SLC9A9: variants seen among roughly 807,000 people sequenced by gnomAD.
SLC9A9 encodes the protein solute carrier family 9 member A9.
In SLC9A9, 62 loss-of-function variants were observed where a neutral mutation model predicts 77.8. That is an observed-to-expected ratio of 0.80 (90% CI 0.65 to 0.98). SLC9A9 has a LOEUF of 0.98. Among genes scored for constraint, SLC9A9 ranks in the 50% least tolerant of loss-of-function variants. SLC9A9 has a pLI of 0.00. For missense variants in SLC9A9, 775 were observed against 774.9 expected, an observed-to-expected ratio of 1.00 and a Z score of 0.00; for synonymous variants, 320 against 283.5, an observed-to-expected ratio of 1.13 and a Z score of -1.29.
chr3:143,271,545 G>A lies in SLC9A9; in HGVS notation c.1605-2565C>T, dbSNP rs544362523. Among the ~76,000 whole-genome samples, 13 of 152,346 alleles carry A rather than the reference G, an allele frequency of 8.5e-5. No individual in the cohort carries two copies. The South Asian group carries it at 2.7e-3, about 32-fold the overall frequency. Reference sequence around the variant, plus strand: ...GTGTCTCATTGTTCGATAATGATGGGAAAACGATACTGAAGGTAGAGATAA... The same window carrying A: ...GTGTCTCATTGTTCGATAATGATGGAAAAACGATACTGAAGGTAGAGATAA... On this transcript the variant is annotated intron_variant, in intron 14 of 15. Transcript: ENST00000316549.
chr3:143,337,887 C>T (rs1040378659), intron 14 of SLC9A9, among the ~76,000 whole-genome samples: 5 of 152,154 alleles, frequency 3.3e-5, no homozygotes, highest in African/African-American at 1.2e-4. Flanking sequence ...TCTTTCTTGT[C>T]AGAGCTGGAG....
At chr3:143,370,790 C>T (rs1027700896) in intron 13 of SLC9A9, among the ~76,000 whole-genome samples, 1 of 152,020 alleles carries the variant, frequency 6.6e-6, no homozygotes, top group Admixed American at 6.6e-5. Flanking sequence ...TTCATCATCG[C>T]TTTCACAATG....
At chr3:143,686,156 C>G (rs1200300024) in intron 5 of SLC9A9, among the ~76,000 whole-genome samples, 1 of 152,140 alleles carries the variant, frequency 6.6e-6, no homozygotes, top group Admixed American at 6.6e-5. Flanking sequence ...AAGAGATACC[C>G]TTCCACACTC....
chr3:143,802,699 C>T lies in SLC9A9; in HGVS notation c.379-5796G>A, dbSNP rs566023797. 2.0e-5 allele frequency among the ~76,000 whole-genome samples: 3 copies of T among 152,262 alleles called. No individual in the cohort carries two copies. The South Asian group carries it at 6.2e-4, about 32-fold the overall frequency. On this transcript the variant is annotated intron_variant, in intron 2 of 15. Transcript: ENST00000316549. The stretch of plus-strand genomic sequence containing the variant: ...GGTATTCAGTGGAACCTTCAAATCC[C>T]TTACCATCCTCAATCTTCAAGAAAG...
intron 1 of SLC9A9, chr3:143,847,509 A>C (rs999674983): frequency 6.6e-6 from 1 of 152,422 alleles, no homozygotes. Flanking sequence ...GAGATACATA[A>C]CAAATAACAC....
chr3:143,617,631 A>G (rs937775074), intron 6 of SLC9A9, among the ~76,000 whole-genome samples: 1 of 152,196 alleles, frequency 6.6e-6, no homozygotes, highest in African/African-American at 2.4e-5. Flanking sequence ...TCCCTTTTGG[A>G]CCTACTTTTC....
At chr3:143,386,759 C>T (rs1423717117) in intron 12 of SLC9A9, among the ~76,000 whole-genome samples, 2 of 152,162 alleles carry the variant, frequency 1.3e-5, no homozygotes, top group African/African-American at 4.8e-5. Flanking sequence ...AGCCAGTGTA[C>T]AGCAAGGATT....
rs368288166 is a variant in SLC9A9, at chr3:143,845,771, T to A, written c.175+2377A>T. The stretch of plus-strand genomic sequence containing the variant: ...TATGTCTTTTCATTGATCTATATAG[T>A]TCAAGATAACTGAAAGATACTCAAA... On this transcript the variant is annotated intron_variant, in intron 1 of 15. Coordinates refer to ENST00000316549, the MANE Select transcript of SLC9A9 (RefSeq NM_173653.4). 5.3e-5 allele frequency among the ~76,000 whole-genome samples: 8 copies of A among 152,340 alleles called. No individual in the cohort carries two copies. In the East Asian group the frequency reaches 1.5e-3, roughly 29 times the overall value.
chr3:143,621,180 C>A (rs552559897), intron 6 of SLC9A9, among the ~76,000 whole-genome samples: 1 of 152,228 alleles, frequency 6.6e-6, no homozygotes, highest in Non-Finnish European at 1.5e-5. Flanking sequence ...GTAGACTCCA[C>A]CTCTGGGGGC....
intron 6 of SLC9A9, among the ~76,000 whole-genome samples, chr3:143,579,442 C>T (rs2037417428): frequency 6.6e-6 from 1 of 152,102 alleles, no homozygotes; most frequent in Non-Finnish European, 1.5e-5. Flanking sequence ...TTGAGGATGT[C>T]ATATAAGCTA....
At chr3:143,270,169 C>G (rs949043242) in intron 14 of SLC9A9, among the ~76,000 whole-genome samples, 1 of 152,170 alleles carries the variant, frequency 6.6e-6, no homozygotes, top group Non-Finnish European at 1.5e-5. Context: ...AGATGGGCAG[C>G]TGTTGTGCCC....
intron 6 of SLC9A9, among the ~76,000 whole-genome samples, chr3:143,611,910 A>C (rs2038028598): frequency 6.6e-6 from 1 of 152,132 alleles, no homozygotes; most frequent in Non-Finnish European, 1.5e-5. Context: ...ATTAAGAAAA[A>C]AAATATTTAG....
chr3:143,664,258 T>A (rs538653925), intron 5 of SLC9A9, among the ~76,000 whole-genome samples: 3 of 152,064 alleles, frequency 2.0e-5, no homozygotes, highest in Non-Finnish European at 4.4e-5. Context: ...AGAAATAAAA[T>A]CCTTTCCAGA....
At chr3:143,672,383 T>G (rs1240224518) in intron 5 of SLC9A9, among the ~76,000 whole-genome samples, 1 of 152,018 alleles carries the variant, frequency 6.6e-6, no homozygotes, top group Non-Finnish European at 1.5e-5. Flanking sequence ...AAGAAATCAA[T>G]GAAGAACACA....
intron 1 of SLC9A9, among the ~76,000 whole-genome samples, chr3:143,837,917 T>C (rs2108894432): frequency 6.6e-6 from 1 of 152,338 alleles, no homozygotes; most frequent in Non-Finnish European, 1.5e-5. Flanking sequence ...AGCCTGATGT[T>C]GAAGTCAGCA....
chr3:143,661,903 T>C (rs1204106870), intron 5 of SLC9A9, among the ~76,000 whole-genome samples: 3 of 152,206 alleles, frequency 2.0e-5, no homozygotes, highest in African/African-American at 7.2e-5. Context: ...CTTGAAAAAC[T>C]ACTTATCGAG....
Position 143,320,622 on chromosome 3 carries a change from C to G in SLC9A9, c.1604+42862G>C, listed in dbSNP as rs555427243. On this transcript the variant is annotated intron_variant, in intron 14 of 15. Coordinates refer to ENST00000316549, the MANE Select transcript of SLC9A9 (RefSeq NM_173653.4). ...CATGTGAACTACCAGAGGCAGAACT[C>G]GAACTTGCTTATCACCAAAGGGATG... is the stretch of plus-strand genomic sequence containing the variant. Among the ~76,000 whole-genome samples, 110 of 152,222 alleles carry G rather than the reference C, an allele frequency of 7.2e-4. 1 individual carries two copies. The highest frequency in any genetic ancestry group is 2.5e-3 in the African/African-American group (104 of 41,524).
intron 5 of SLC9A9, among the ~76,000 whole-genome samples, chr3:143,658,512 C>A (rs2038931307): frequency 6.6e-6 from 1 of 152,124 alleles, no homozygotes; most frequent in African/African-American, 2.4e-5. Flanking sequence ...GAAAATTATT[C>A]TTTTTACATT....
At chr3:143,357,978 A>T (rs2032639563) in intron 14 of SLC9A9, among the ~76,000 whole-genome samples, 1 of 150,908 alleles carries the variant, frequency 6.6e-6, no homozygotes. Flanking sequence ...ACTGTGTGGG[A>T]TATAAAAAAA....
Sources: allele counts gnomAD v4.1 joint callset (sites outside exome capture counted in the v4.1 genomes callset), GRCh38; gene constraint gnomAD v4.1.1; transcripts MANE v1.5; gene names NCBI Gene and HGNC (gene_info 2026-07-23, HGNC 2026-07-21).